AQP1: variants seen among roughly 807,000 people sequenced by gnomAD.
The protein encoded by AQP1 is aquaporin-1.
A neutral mutation model predicts 19.7 loss-of-function variants in AQP1; 11 were observed. The observed-to-expected ratio is 0.56, with a 90% CI of 0.35 to 0.92. The LOEUF is 0.92. AQP1 is among the 40% of genes least tolerant of loss of function. AQP1 has a pLI of 0.01. For synonymous variants in AQP1, 159 were observed against 166.7 expected (o/e 0.95, Z 0.36); for missense variants, 320 against 369.7 (o/e 0.87, Z 1.10).
chr7:30,921,172 G>A (rs972990556), intron 1 of AQP1: 39 of 655,698 alleles, frequency 5.9e-5, no homozygotes, highest in African/African-American at 5.2e-4. Context: ...CCCCTGGGAC[G>A]GCCACAAAGC....
intron 1 of AQP1, chr7:30,921,296 T>C: frequency 7.7e-7 from 1 of 1,297,260 alleles, no homozygotes. Flanking sequence ...ATGAGTCATG[T>C]TTCTAAAAGT....
intron 1 of AQP1, among the ~76,000 whole-genome samples, chr7:30,918,635 C>T (rs1791419948): frequency 1.3e-5 from 2 of 152,328 alleles, no homozygotes; most frequent in South Asian, 4.1e-4. Flanking sequence ...GCCTGCTCTT[C>T]CCCAAGGCCA....
At position 30,912,874 on chromosome 7, in the gene AQP1, A is replaced by C. The variant is rs567108554; in HGVS notation, c.384+581A>C. On this transcript the variant is annotated intron_variant, in intron 1 of 3. Transcript: ENST00000311813. The surrounding 1 kb of genome is among the most constrained non-coding windows in gnomAD (Gnocchi z 4.3). ...TAGACAAAGATAAGGGAGTGAAAACACTCTCTGGGGCTGTTTGAAGGCAGT... is the reference window on the plus strand; with the variant it reads ...TAGACAAAGATAAGGGAGTGAAAACCCTCTCTGGGGCTGTTTGAAGGCAGT... Among the ~76,000 whole-genome samples, 1 of 151,718 alleles carries C rather than the reference A, an allele frequency of 6.6e-6. No individual in the cohort carries two copies. The highest frequency in any genetic ancestry group is 2.4e-5 in the African/African-American group (1 of 41,252).
intron 3 of AQP1, among the ~76,000 whole-genome samples, chr7:30,922,962 T>C (rs1791565777): frequency 6.6e-6 from 1 of 152,254 alleles, no homozygotes; most frequent in African/African-American, 2.4e-5. Context: ...CGCAGTGTGC[T>C]TGAGCTTTGG....
chr7:30,918,458 A>G (rs978447886), intron 1 of AQP1, among the ~76,000 whole-genome samples: 1 of 152,162 alleles, frequency 6.6e-6, no homozygotes, highest in African/African-American at 2.4e-5. Context: ...GAATCCCCCC[A>G]TGTCCACGTG....
chr7:30,921,943 G>A, intron 1 of AQP1, 123 bp from the exon 2 acceptor site: 1 of 1,557,300 alleles, frequency 6.4e-7, no homozygotes, highest in East Asian at 2.3e-5. Context: ...GATGGGCTCT[G>A]AAGGCCCATC....
intron 1 of AQP1, among the ~76,000 whole-genome samples, chr7:30,920,769 G>A (rs901914279): frequency 6.6e-6 from 1 of 152,254 alleles, no homozygotes; most frequent in African/African-American, 2.4e-5. Context: ...TTGGCCAGAG[G>A]GCTGGCGGAC....
intron 1 of AQP1, among the ~76,000 whole-genome samples, chr7:30,919,336 A>G (rs1255496109): frequency 2.0e-5 from 3 of 152,168 alleles, no homozygotes; most frequent in African/African-American, 7.2e-5. Context: ...CCAGCCAGGG[A>G]TCTGGGAAGG....
chr7:30,924,901 G>GTCACTGCAACCTCCACCTCCC lies in AQP1; in HGVS notation c.*1272_*1273insTCACTGCAACCTCCACCTCCC, dbSNP rs1562581869. ...CCTTCCCTCTGCATTGACCTGGAGG[G>GTCACTGCAACCTCCACCTCCC]GAGAGGTCAGCCTTGACCTAATGAG... On this transcript the variant is annotated 3_prime_UTR_variant, in exon 4 of 4. Coordinates refer to ENST00000311813, the MANE Select transcript of AQP1 (RefSeq NM_198098.4). 1 of 152,262 alleles carries GTCACTGCAACCTCCACCTCCC rather than the reference G, an allele frequency of 6.6e-6. No homozygotes were observed. Among genetic ancestry groups the GTCACTGCAACCTCCACCTCCC allele is most frequent in the African/African-American group, 2.4e-5 (1 of 41,442 alleles). The allele number at this position is 152,262 out of a possible 1,614,324, so 9.4% of individuals were successfully genotyped here.
At chr7:30,921,736 G>A in intron 1 of AQP1, 1 of 1,550,864 alleles carries the variant, frequency 6.4e-7, no homozygotes, top group South Asian at 1.2e-5. Flanking sequence ...CTCTGGTCTT[G>A]GTACCCCAGA....
Position 30,922,083 on chromosome 7 carries a change from C to T in AQP1, c.402C>T (p.Asn134=), listed in dbSNP as rs1223942580. 1 of 1,613,952 alleles carries T rather than the reference C, an allele frequency of 6.2e-7. No individual in the cohort carries two copies. The highest frequency in any genetic ancestry group is 8.5e-7 in the Non-Finnish European group (1 of 1,180,034). Residue 134 remains asparagine, a synonymous_variant, in exon 2 of 4, where the codon AAC becomes AAT. Transcript: ENST00000311813. ...LGRNDLADGV[N]SGQGLGIEII... Reference sequence around the variant, plus strand: ...CCCTGCAGCTGGCTGATGGTGTGAACTCGGGCCAGGGCCTGGGCATCGAGA... The same window carrying T: ...CCCTGCAGCTGGCTGATGGTGTGAATTCGGGCCAGGGCCTGGGCATCGAGA...
intron 1 of AQP1, chr7:30,921,336 G>C (rs1287282939): frequency 1.5e-6 from 2 of 1,354,658 alleles, no homozygotes; most frequent in African/African-American, 2.9e-5. Flanking sequence ...GCCAGACGGT[G>C]GTGGCGGGGC....
intron 2 of AQP1, 144 bp downstream of exon 2, chr7:30,922,374 G>C (rs1584389946): frequency 2.9e-6 from 4 of 1,379,104 alleles, no homozygotes; most frequent in Admixed American, 1.9e-5. Context: ...GGGGCTGGGG[G>C]CAGGGTCCTG....
At position 30,924,157 on chromosome 7, in the gene AQP1, C is replaced by T; in HGVS notation, c.*528C>T. 2 of 1,166,414 alleles carry T rather than the reference C, an allele frequency of 1.7e-6. No homozygotes were observed. Among genetic ancestry groups the T allele is most frequent in the Non-Finnish European group, 2.2e-6 (2 of 928,388 alleles). 72.3% of individuals were successfully genotyped at this position (1,166,414 alleles called of 1,614,324 possible). ...GTTCTGCTTGCTCCCAAGCCCCTGA[C>T]CCGCTCGGACTTACTGCCTGACCTT... On this transcript the variant is annotated 3_prime_UTR_variant, in exon 4 of 4. Transcript: ENST00000311813.
chr7:30,922,275 G>T, intron 2 of AQP1, 45 bp downstream of exon 2: 3 of 1,536,170 alleles, frequency 2.0e-6, no homozygotes, highest in Non-Finnish European at 2.6e-6. Flanking sequence ...AAGGGAGGGC[G>T]GGGGCTGGTG....
chr7:30,913,577 T>C (rs535210604), intron 1 of AQP1, among the ~76,000 whole-genome samples: 20 of 152,172 alleles, frequency 1.3e-4, no homozygotes, highest in Middle Eastern at 3.4e-3. Flanking sequence ...TCCTCTCGCT[T>C]CCCAGCCAAA....
chr7:30,914,581 C>T (rs1054976817), intron 1 of AQP1, among the ~76,000 whole-genome samples: 6 of 152,218 alleles, frequency 3.9e-5, no homozygotes, highest in African/African-American at 1.2e-4. Context: ...TAAGGGCTCC[C>T]GTCAGACACT....
intron 1 of AQP1, among the ~76,000 whole-genome samples, chr7:30,916,338 T>C (rs1022416483): frequency 3.0e-4 from 46 of 152,222 alleles, no homozygotes; most frequent in Non-Finnish European, 7.4e-5. Flanking sequence ...TGCAAGCCAA[T>C]TCCAGATGGT....
At chr7:30,919,053 C>A (rs1228124785) in intron 1 of AQP1, among the ~76,000 whole-genome samples, 1 of 152,190 alleles carries the variant, frequency 6.6e-6, no homozygotes, top group Non-Finnish European at 1.5e-5. Context: ...GTGAAGAAGA[C>A]CGCCCTGGGT....
Sources: gnomAD v4.1 joint callset for allele counts (sites outside exome capture counted in the v4.1 genomes callset) on GRCh38, gnomAD v4.1.1 for gene constraint, Gnocchi (gnomAD v3.1) non-coding constraint, MANE v1.5 for transcripts, NCBI Gene and HGNC (gene_info 2026-07-23, HGNC 2026-07-21) for gene names.